MALT1: variants seen among roughly 807,000 people sequenced by gnomAD.
MALT1 encodes the protein mucosa-associated lymphoid tissue lymphoma translocation protein 1.
MALT1 carries 36 observed loss-of-function variants against 85.5 expected under a neutral mutation model. The ratio of observed to expected loss-of-function variants is 0.42; its 90% CI spans 0.32 to 0.56. The LOEUF is 0.56. MALT1 is among the 20% of genes least tolerant of loss of function. The probability of loss-of-function intolerance (pLI) is 0.10; values close to 1 mark genes in which losing one functional copy is unlikely to be tolerated. For synonymous variants in MALT1, 359 were observed against 361.3 expected (o/e 0.99, Z 0.07); for missense variants, 716 against 981.6 (o/e 0.73, Z 3.62).
At position 58,731,497 on chromosome 18, in the gene MALT1, G is replaced by GC. The variant is rs2055148746; in HGVS notation, c.1223-1900_1223-1899insC. Among the ~76,000 whole-genome samples the GC allele has an allele frequency of 3.9e-5, 6 of 152,282 alleles. No homozygotes were observed. The South Asian group carries it at 1.0e-3, about 26-fold the overall frequency. On this transcript the variant is annotated intron_variant, in intron 10 of 16. Coordinates refer to ENST00000649217, the MANE Select transcript of MALT1 (RefSeq NM_006785.4). ...TATTTTCATTCACAACAGTAATTTAGTTTTTTGCTAGGCTAGTCTCTTTTC... is the reference window on the plus strand; with the variant it reads ...TATTTTCATTCACAACAGTAATTTAGCTTTTTTGCTAGGCTAGTCTCTTTTC...
rs187618811 is a variant in MALT1, at chr18:58,703,817, A to G, written c.649+3226A>G. Among the ~76,000 whole-genome samples, 7 of 152,304 alleles carry G rather than the reference A, an allele frequency of 4.6e-5. No individual in the cohort carries two copies. In the East Asian group the frequency reaches 1.3e-3, roughly 29 times the overall value. ...AACTTTTTTATCCCATTTTTTATTA[A>G]GGGGTAATTTATATACAGTACAATG... On this transcript the variant is annotated intron_variant, in intron 4 of 16. Coordinates refer to ENST00000649217, the MANE Select transcript of MALT1 (RefSeq NM_006785.4).
At chr18:58,724,372 C>T (rs1041966212) in intron 10 of MALT1, among the ~76,000 whole-genome samples, 1 of 152,164 alleles carries the variant, frequency 6.6e-6, no homozygotes, top group Admixed American at 6.5e-5. Flanking sequence ...GTAAACACCT[C>T]AAATGTGAGA....
In MALT1 at chr18:58,748,043, A is replaced by T. The variant is rs9947866; in HGVS notation, c.*201A>T. On this transcript the variant is annotated 3_prime_UTR_variant, in exon 17 of 17. Coordinates refer to ENST00000649217, the MANE Select transcript of MALT1 (RefSeq NM_006785.4). ...GACTTCCTCTTTCTAAGATTTTGTG[A>T]ATTGGTTGAATAGTTCTATACAAAT... The T allele has an allele frequency of 0.027, 14,912 of 557,180 alleles. 1,727 individuals are homozygous for T. The highest frequency in any genetic ancestry group is 0.25 in the African/African-American group (13,394 of 53,220). 34.5% of individuals were successfully genotyped at this position (557,180 alleles called of 1,614,324 possible).
At chr18:58,698,123 G>T (rs1362728890) in intron 3 of MALT1, among the ~76,000 whole-genome samples, 1 of 145,410 alleles carries the variant, frequency 6.9e-6, no homozygotes, top group East Asian at 2.1e-4. Context: ...CTGGAGTGCA[G>T]TGGCGCGATC....
chr18:58,721,266 C>A (rs2054978734), intron 9 of MALT1, among the ~76,000 whole-genome samples: 1 of 152,112 alleles, frequency 6.6e-6, no homozygotes, highest in Non-Finnish European at 1.5e-5. Context: ...GTAATCCCAG[C>A]TACTCGGGAG....
rs185395834 is a variant in MALT1 at position 58,729,227 on chromosome 18, C to T, written c.1223-4170C>T. Among the ~76,000 whole-genome samples the T allele has an allele frequency of 9.2e-5, 14 of 152,186 alleles. No homozygotes were observed. In the East Asian group the frequency reaches 1.7e-3, roughly 19 times the overall value. ...TCCTGGGCCGGGCACGGTGGCTCAACGCCTGTAATCCCAGCACTTTGGGAG... is the reference window on the plus strand; with the variant it reads ...TCCTGGGCCGGGCACGGTGGCTCAATGCCTGTAATCCCAGCACTTTGGGAG... On this transcript the variant is annotated intron_variant, in intron 10 of 16. Coordinates refer to ENST00000649217, the MANE Select transcript of MALT1 (RefSeq NM_006785.4).
At chr18:58,728,267 CTAAA>C (rs1422244032) in intron 10 of MALT1, among the ~76,000 whole-genome samples, 11 of 152,046 alleles carry the variant, frequency 7.2e-5, no homozygotes, top group African/African-American at 2.4e-4. Context: ...GGATGGTTAA[CTAAA>C]TAAATAAGCA....
intron 2 of MALT1, among the ~76,000 whole-genome samples, chr18:58,692,418 C>CTCTCTA (rs1568129349): frequency 9.0e-6 from 1 of 111,116 alleles, no homozygotes; most frequent in African/African-American, 3.8e-5. Context: ...CTCTCTCTCT[C>CTCTCTA]TCTCTCTCTC....
At chr18:58,695,113 G>A (rs1213840178) in intron 2 of MALT1, among the ~76,000 whole-genome samples, 4 of 152,154 alleles carry the variant, frequency 2.6e-5, no homozygotes, top group Admixed American at 6.5e-5. Context: ...TTTGTCTGCC[G>A]CCATGTGAGA....
At chr18:58,721,257 T>TA (rs2054978550) in intron 9 of MALT1, among the ~76,000 whole-genome samples, 1 of 152,054 alleles carries the variant, frequency 6.6e-6, no homozygotes, top group African/African-American at 2.4e-5. Flanking sequence ...CGCATGCCTG[T>TA]AATCCCAGCT....
intron 10 of MALT1, among the ~76,000 whole-genome samples, chr18:58,731,655 A>C (rs2055151654): frequency 6.6e-6 from 1 of 152,180 alleles, no homozygotes; most frequent in South Asian, 2.1e-4. Context: ...GTTTCACTTC[A>C]TACTGATATT....
chr18:58,707,479 G>C (rs1426171509), intron 4 of MALT1, among the ~76,000 whole-genome samples: 1 of 151,734 alleles, frequency 6.6e-6, no homozygotes, highest in African/African-American at 2.4e-5. Context: ...AGAACGTGCA[G>C]GTTTGTTACA....
intron 2 of MALT1, among the ~76,000 whole-genome samples, chr18:58,693,143 C>T (rs184880090): frequency 6.6e-5 from 10 of 152,316 alleles, no homozygotes; most frequent in African/African-American, 1.7e-4. Flanking sequence ...CATGGTGGCT[C>T]GTAATTGATC....
intron 10 of MALT1, among the ~76,000 whole-genome samples, chr18:58,732,253 G>C (rs1185188999): frequency 1.3e-5 from 2 of 152,128 alleles, no homozygotes; most frequent in Non-Finnish European, 2.9e-5. Context: ...ATCTTCAAAA[G>C]TGTTTTGTCC....
At chr18:58,726,513 CAG>C (rs1568147388) in intron 10 of MALT1, among the ~76,000 whole-genome samples, 1 of 152,128 alleles carries the variant, frequency 6.6e-6, no homozygotes, top group Non-Finnish European at 1.5e-5. Context: ...ATACGGAGAA[CAG>C]AGGAACTCGA....
chr18:58,733,760 A>T, intron 11 of MALT1, 186 bp downstream of exon 11: 2 of 737,206 alleles, frequency 2.7e-6, no homozygotes, highest in African/African-American at 1.8e-5. Context: ...TTAACTCTTC[A>T]TATTTGCTAT....
At chr18:58,730,381 CATTTCATATAA>C (rs1437802509) in intron 10 of MALT1, among the ~76,000 whole-genome samples, 1 of 152,202 alleles carries the variant, frequency 6.6e-6, no homozygotes, top group African/African-American at 2.4e-5. Context: ...CTATTCTGGA[CATTTCATATAA>C]ATGGAATCAC....
chr18:58,722,410 C>G (rs887571112), intron 9 of MALT1, among the ~76,000 whole-genome samples: 14 of 152,172 alleles, frequency 9.2e-5, no homozygotes, highest in African/African-American at 3.1e-4. Flanking sequence ...TTTTAAGGTA[C>G]TCATACACAA....
chr18:58,735,258 T>C lies in MALT1; in HGVS notation c.1532T>C (p.Phe511Ser). The C allele has an allele frequency of 6.2e-7, 1 of 1,611,312 alleles. No individual in the cohort carries two copies. The highest frequency in any genetic ancestry group is 8.5e-7 in the Non-Finnish European group (1 of 1,179,324). The part of the protein sequence containing the change: ...IQHSGLANGI[F>S]MKFLKDRLLE... ...CATTCTGGATTGGCAAATGGAATCT[T>C]TATGAAATTTTTAAAAGACAGATTA... The change falls in exon 13 of 17, where the codon TTT (phenylalanine) becomes TCT (serine). Residue 511 changes from phenylalanine (F) to serine (S), a missense_variant. This residue lies in a region of MALT1 where 86 missense variants were observed against 212.3 expected (regional missense o/e 0.41). Coordinates refer to ENST00000649217, the MANE Select transcript of MALT1 (RefSeq NM_006785.4).
Sources: allele counts gnomAD v4.1 joint callset (sites outside exome capture counted in the v4.1 genomes callset), GRCh38; gene constraint gnomAD v4.1.1; regional missense constraint gnomAD v4.1.1; transcripts MANE v1.5; gene names NCBI Gene and HGNC (gene_info 2026-07-23, HGNC 2026-07-21).